ASIC2: variants seen among roughly 807,000 people sequenced by gnomAD.
ASIC2 encodes the protein acid sensing ion channel subunit 2, also known as acid-sensing ion channel 2.
A neutral mutation model predicts 57.3 loss-of-function variants in ASIC2; 25 were observed. The ratio of observed to expected loss-of-function variants is 0.44; its 90% CI spans 0.32 to 0.61. The LOEUF (loss-of-function observed/expected upper bound fraction) is 0.61. ASIC2 is among the 20% of genes least tolerant of loss of function. ASIC2 has a pLI of 0.06. For missense variants in ASIC2, 641 were observed against 738.1 expected, an observed-to-expected ratio of 0.87 and a Z score of 1.52; for synonymous variants, 319 against 307.5, an observed-to-expected ratio of 1.04 and a Z score of -0.39.
intron 1 of ASIC2, among the ~76,000 whole-genome samples, chr17:33,476,257 G>A (rs900328623): frequency 6.6e-6 from 1 of 151,962 alleles, no homozygotes; most frequent in South Asian, 2.1e-4. Context: ...CCATCACTGC[G>A]ACCTCCACCA....
Position 34,149,772 on chromosome 17 carries a change from C to T in ASIC2, c.555+6206G>A, listed in dbSNP as rs370280209. ...GAAAGGATGTGGAGAAAGGTGAGCC[C>T]TTGTACACTGTGGGTGGGAATGGAA... On this transcript the variant is annotated intron_variant, in intron 1 of 9. Transcript: ENST00000359872. Among the ~76,000 whole-genome samples the T allele has an allele frequency of 4.0e-4, 61 of 152,274 alleles. 1 individual carries two copies. The highest frequency in any genetic ancestry group is 1.4e-3 in the African/African-American group (58 of 41,558).
intron 3 of ASIC2, among the ~76,000 whole-genome samples, chr17:33,031,226 T>C (rs1199419954): frequency 1.3e-5 from 2 of 152,298 alleles, no homozygotes; most frequent in African/African-American, 4.8e-5. Context: ...ATTTTTGTTC[T>C]TGTGCTAGTT....
chr17:33,319,503 A>T (rs1906785299), intron 1 of ASIC2, among the ~76,000 whole-genome samples: 1 of 152,258 alleles, frequency 6.6e-6, no homozygotes, highest in South Asian at 2.1e-4. Flanking sequence ...AAAAGTTTTA[A>T]TTTTTAATTT....
chr17:33,529,602 T>C (rs1437624178), intron 1 of ASIC2, among the ~76,000 whole-genome samples: 1 of 152,234 alleles, frequency 6.6e-6, no homozygotes, highest in Non-Finnish European at 1.5e-5. Context: ...TGAGGCACAT[T>C]ACTCAACTTC....
intron 1 of ASIC2, among the ~76,000 whole-genome samples, chr17:33,674,628 G>C (rs1907752720): frequency 6.6e-6 from 1 of 152,198 alleles, no homozygotes; most frequent in Non-Finnish European, 1.5e-5. Context: ...ACTAAATTCA[G>C]AGAGATGAAG....
intron 1 of ASIC2, among the ~76,000 whole-genome samples, chr17:33,335,275 C>G (rs1907469533): frequency 6.6e-6 from 1 of 152,166 alleles, no homozygotes; most frequent in African/African-American, 2.4e-5. Context: ...GATGGACTTG[C>G]CTTGTTCTAA....
chr17:33,719,665 T>C (rs1198825199), intron 1 of ASIC2, among the ~76,000 whole-genome samples: 4 of 152,144 alleles, frequency 2.6e-5, no homozygotes, highest in East Asian at 1.9e-4. Flanking sequence ...CCCTTTGAAG[T>C]TGGATTTAGC....
chr17:33,642,530 G>C (rs1906608789), intron 1 of ASIC2, among the ~76,000 whole-genome samples: 1 of 152,182 alleles, frequency 6.6e-6, no homozygotes, highest in African/African-American at 2.4e-5. Flanking sequence ...TTGAATGAAT[G>C]AATCAATCAG....
At chr17:33,895,069 G>A (rs1044097767) in intron 1 of ASIC2, among the ~76,000 whole-genome samples, 2 of 152,016 alleles carry the variant, frequency 1.3e-5, no homozygotes, top group Non-Finnish European at 2.9e-5. Context: ...TTAAATATGT[G>A]GCTATGAACA....
At chr17:33,696,732 GA>G (rs1178212400) in intron 1 of ASIC2, among the ~76,000 whole-genome samples, 2 of 152,296 alleles carry the variant, frequency 1.3e-5, no homozygotes, top group Admixed American at 6.5e-5. Context: ...ATAACACACA[GA>G]GTCATTGAAT....
At chr17:33,405,043 C>A (rs955470999) in intron 1 of ASIC2, among the ~76,000 whole-genome samples, 4 of 151,278 alleles carry the variant, frequency 2.6e-5, no homozygotes, top group African/African-American at 9.7e-5. Flanking sequence ...ACACTCTGGG[C>A]TAATGTTAGA....
At chr17:33,790,389 G>A (rs1287107105) in intron 1 of ASIC2, among the ~76,000 whole-genome samples, 1 of 152,102 alleles carries the variant, frequency 6.6e-6, no homozygotes, top group African/African-American at 2.4e-5. Context: ...CTCAGAATAT[G>A]CCACCCAAAA....
chr17:33,930,395 T>C (rs1388600976), intron 1 of ASIC2, among the ~76,000 whole-genome samples: 1 of 152,226 alleles, frequency 6.6e-6, no homozygotes, highest in African/African-American at 2.4e-5. Context: ...TATTCCATAC[T>C]GTGCCACCCT....
chr17:33,695,081 CA>C (rs1175936193), intron 1 of ASIC2, among the ~76,000 whole-genome samples: 4 of 152,000 alleles, frequency 2.6e-5, no homozygotes, highest in East Asian at 1.9e-4. Flanking sequence ...AAATATATCA[CA>C]AAAAAAGTTT....
chr17:33,547,134 T>C (rs1234118710), intron 1 of ASIC2, among the ~76,000 whole-genome samples: 5 of 152,074 alleles, frequency 3.3e-5, no homozygotes, highest in Non-Finnish European at 5.9e-5. Context: ...TTCTAACAAG[T>C]TCCAGGGTGA....
intron 1 of ASIC2, among the ~76,000 whole-genome samples, chr17:34,014,968 T>C (rs2142024296): frequency 6.6e-6 from 1 of 151,278 alleles, no homozygotes. Context: ...CACTGAATCC[T>C]CGACCTCACA....
chr17:33,961,184 G>A (rs1904908917), intron 1 of ASIC2, among the ~76,000 whole-genome samples: 1 of 152,208 alleles, frequency 6.6e-6, no homozygotes, highest in African/African-American at 2.4e-5. Flanking sequence ...TTTGACCAAA[G>A]CTAGAAAAAG....
intron 1 of ASIC2, among the ~76,000 whole-genome samples, chr17:33,133,718 C>T (rs1423984596): frequency 5.9e-5 from 9 of 152,126 alleles, no homozygotes; most frequent in East Asian, 1.9e-4. Context: ...GGTGATCTCC[C>T]GGGTGAGGCA....
At chr17:34,100,187 T>TG (rs1249578371) in intron 1 of ASIC2, among the ~76,000 whole-genome samples, 1 of 141,116 alleles carries the variant, frequency 7.1e-6, no homozygotes, top group Non-Finnish European at 1.5e-5. Flanking sequence ...CTTTCTTGTT[T>TG]TTTTTTTTTT....
Sources: allele counts gnomAD v4.1 joint callset (sites outside exome capture counted in the v4.1 genomes callset), GRCh38; gene constraint gnomAD v4.1.1; transcripts MANE v1.5; gene names NCBI Gene and HGNC (gene_info 2026-07-23, HGNC 2026-07-21).